BMS1: variants seen among roughly 807,000 people sequenced by gnomAD.
The protein encoded by BMS1 is BMS1 ribosome biogenesis factor.
BMS1 carries 53 observed loss-of-function variants against 138.7 expected under a neutral mutation model. The observed-to-expected ratio is 0.38, with a 90% CI of 0.31 to 0.48. BMS1 has a LOEUF of 0.48. Ranked by LOEUF, BMS1 falls within the 20% of genes least tolerant of loss-of-function variation. The probability of loss-of-function intolerance (pLI) is 0.97; values close to 1 mark genes in which losing one functional copy is unlikely to be tolerated. For missense variants in BMS1, 1,360 were observed against 1,565.5 expected (o/e 0.87, Z 2.22); for synonymous variants, 504 against 539.9 (o/e 0.93, Z 0.92).
At chr10:42,796,438 C>A (rs1482768828) in intron 9 of BMS1, 36 bp from the exon 10 acceptor site, 3 of 1,570,790 alleles carry the variant, frequency 1.9e-6, no homozygotes, top group Non-Finnish European at 1.7e-6. Context: ...GATTAATGTA[C>A]AAATTGAATT....
In BMS1 at chr10:42,830,895, G is replaced by C; in HGVS notation, c.3648G>C (p.Thr1216=). The C allele has an allele frequency of 1.2e-6, 2 of 1,612,016 alleles. No homozygotes were observed. Among genetic ancestry groups the C allele is most frequent in the Non-Finnish European group, 1.7e-6 (2 of 1,179,228 alleles). Residue 1216 remains threonine, a synonymous_variant, in exon 23 of 23, where the codon ACG becomes ACC. Coordinates refer to ENST00000374518, the MANE Select transcript of BMS1 (RefSeq NM_014753.4). ...TTGCACTGCTGGATGCTCTGAGTAC[G>C]GTGCATAGTCAGAAGATGAAGAAGG... ...KILALLDALS[T]VHSQKMKKAK... is the part of the protein sequence containing the mutation.
chr10:42,792,414 T>G, intron 6 of BMS1, 79 bp from the exon 7 acceptor site: 1 of 1,553,156 alleles, frequency 6.4e-7, no homozygotes, highest in Non-Finnish European at 8.7e-7. Context: ...GACAAGAGTG[T>G]GATGAATCAT....
intron 15 of BMS1, among the ~76,000 whole-genome samples, chr10:42,819,068 A>G (rs12250696): frequency 0.11 from 16,757 of 152,248 alleles, 1,070 homozygotes; most frequent in African/African-American, 0.17. Flanking sequence ...GGAGGCTGCA[A>G]CTGCAGAAAA....
intron 21 of BMS1, among the ~76,000 whole-genome samples, chr10:42,828,164 C>T (rs1842706805): frequency 6.6e-6 from 1 of 152,192 alleles, no homozygotes; most frequent in Admixed American, 6.5e-5. Context: ...AGCTACTTTG[C>T]CAGTTCCTGA....
At chr10:42,802,330 G>T in intron 13 of BMS1, 112 bp downstream of exon 13, 1 of 905,734 alleles carries the variant, frequency 1.1e-6, no homozygotes, top group Non-Finnish European at 1.6e-6. Flanking sequence ...AAATGCTTTG[G>T]GAATTCAGAC....
intron 3 of BMS1, among the ~76,000 whole-genome samples, 179 bp downstream of exon 3, chr10:42,785,851 A>C (rs570670305): frequency 1.3e-5 from 2 of 152,182 alleles, no homozygotes; most frequent in Non-Finnish European, 2.9e-5. Context: ...CCCAGAGATA[A>C]GGATGTGATA....
intron 6 of BMS1, 64 bp downstream of exon 6, chr10:42,791,833 A>G (rs1841515831): frequency 1.3e-6 from 2 of 1,531,474 alleles, no homozygotes; most frequent in South Asian, 1.3e-5. Context: ...AAGGCTAGAA[A>G]AAGAACAGTG....
In BMS1 at chr10:42,798,615, AT is replaced by A; in HGVS notation, c.2240del (p.Leu747Ter). The A allele has an allele frequency of 6.2e-7, 1 of 1,614,184 alleles. No homozygotes were observed. The highest frequency in any genetic ancestry group is 8.5e-7 in the Non-Finnish European group (1 of 1,180,018). ...CTTGTGGAGGCCCCCCATGACTGGG[AT>A]TTAGAGGAGGTAAGTCTGGGTAGTA... Reference protein sequence around the residue: ...RFLVEAPHDWDLEEVMNSIRD... With the variant: ...RFLVEAPHDWXLEEVMNSIRD... On this transcript the variant is annotated frameshift_variant, in exon 12 of 23. Coordinates refer to ENST00000374518, the MANE Select transcript of BMS1 (RefSeq NM_014753.4). LOFTEE classifies it high-confidence loss of function.
Position 42,834,073 on chromosome 10 carries a change from T to G in BMS1, c.*2977T>G, listed in dbSNP as rs1842839254. The G allele has an allele frequency of 6.6e-6, 1 of 152,236 alleles. No homozygotes were observed. Among genetic ancestry groups the G allele is most frequent in the Non-Finnish European group, 1.5e-5 (1 of 68,042 alleles). The allele number at this position is 152,236 out of a possible 1,614,324, so 9.4% of individuals were successfully genotyped here. ...TAAACTTTGTAAATTGTAAAAATTATTCTGTTATACCTTTTCTATTTACTA... is the reference window on the plus strand; with the variant it reads ...TAAACTTTGTAAATTGTAAAAATTAGTCTGTTATACCTTTTCTATTTACTA... On this transcript the variant is annotated 3_prime_UTR_variant, in exon 23 of 23. Transcript: ENST00000374518.
chr10:42,825,033 A>G (rs1489160091), intron 21 of BMS1, among the ~76,000 whole-genome samples: 2 of 151,724 alleles, frequency 1.3e-5, no homozygotes, highest in South Asian at 2.1e-4. Flanking sequence ...TTTTGAGGCA[A>G]AGTCTCACTC....
At chr10:42,786,513 A>G (rs914553325) in intron 3 of BMS1, among the ~76,000 whole-genome samples, 2 of 151,932 alleles carry the variant, frequency 1.3e-5, no homozygotes, top group Non-Finnish European at 2.9e-5. Context: ...TCTACCTCCC[A>G]GGTTCAAGCA....
At position 42,792,478 on chromosome 10, in the gene BMS1, A is replaced by G. The variant is rs774812507; in HGVS notation, c.780-15A>G. The G allele has an allele frequency of 1.2e-6, 2 of 1,610,214 alleles. No homozygotes were observed. The highest frequency in any genetic ancestry group is 2.7e-5 in the African/African-American group (2 of 74,774). The stretch of plus-strand genomic sequence containing the variant: ...TTGGCATTCATTTCTGCTGTGATTG[A>G]ATTTATTTTTCTAGGATGGAAGATT... On this transcript the variant is annotated splice_polypyrimidine_tract_variant and intron_variant, in intron 6 of 22. Coordinates refer to ENST00000374518, the MANE Select transcript of BMS1 (RefSeq NM_014753.4).
chr10:42,785,930 G>A (rs1841313822), intron 3 of BMS1, among the ~76,000 whole-genome samples: 1 of 152,150 alleles, frequency 6.6e-6, no homozygotes, highest in Non-Finnish European at 1.5e-5. Flanking sequence ...CAGCACTCGG[G>A]CTGGAAAATC....
At chr10:42,815,200 G>C (rs184776774) in intron 13 of BMS1, among the ~76,000 whole-genome samples, 14 of 152,244 alleles carry the variant, frequency 9.2e-5, no homozygotes, top group Admixed American at 8.5e-4. Flanking sequence ...TTCAAATGAG[G>C]ACATATCATT....
intron 15 of BMS1, 81 bp downstream of exon 15, chr10:42,817,575 C>T (rs1842385349): frequency 1.0e-5 from 14 of 1,348,972 alleles, no homozygotes; most frequent in African/African-American, 2.9e-5. Flanking sequence ...TGGGTCCCTA[C>T]GTCCTATCCT....
intron 13 of BMS1, among the ~76,000 whole-genome samples, chr10:42,804,232 T>C (rs1329800690): frequency 6.6e-6 from 1 of 152,258 alleles, no homozygotes; most frequent in Non-Finnish European, 1.5e-5. Flanking sequence ...CTTTTATTTC[T>C]TTTGGGTAAA....
At chr10:42,785,399 G>T (rs1380489625) in intron 2 of BMS1, 83 bp from the exon 3 acceptor site, 37 of 1,281,038 alleles carry the variant, frequency 2.9e-5, no homozygotes, top group Non-Finnish European at 3.7e-5. Context: ...TACCAAAAAA[G>T]TCTACTTATA....
At chr10:42,798,734 G>T in intron 12 of BMS1, 109 bp downstream of exon 12, 1 of 1,429,800 alleles carries the variant, frequency 7.0e-7, no homozygotes. Context: ...TATTTTTACA[G>T]GATTACAGGT....
At chr10:42,786,399 T>G (rs1841331382) in intron 3 of BMS1, among the ~76,000 whole-genome samples, 1 of 152,132 alleles carries the variant, frequency 6.6e-6, no homozygotes, top group African/African-American at 2.4e-5. Flanking sequence ...GAGGCTTTTC[T>G]TTATCTTTGG....
Sources: allele counts gnomAD v4.1 joint callset (sites outside exome capture counted in the v4.1 genomes callset), GRCh38; gene constraint gnomAD v4.1.1; transcripts MANE v1.5; gene names NCBI Gene and HGNC (gene_info 2026-07-23, HGNC 2026-07-21).